SYN2: variants seen among roughly 807,000 people sequenced by gnomAD.
SYN2 encodes synapsin II, also known as synapsin-2.
Under a neutral mutation model 50.9 loss-of-function variants are expected in SYN2, and 19 were observed. The observed-to-expected ratio is 0.37, with a 90% CI of 0.26 to 0.55. The LOEUF (loss-of-function observed/expected upper bound fraction) is 0.55, where lower values mean the gene tolerates loss of function less well. Ranked by LOEUF, SYN2 falls within the 20% of genes least tolerant of loss-of-function variation. The pLI, the probability that SYN2 is intolerant of heterozygous loss-of-function variation, is 0.81. For missense variants in SYN2, 587 were observed against 576.4 expected (o/e 1.02, Z -0.19); for synonymous variants, 255 against 224.9 (o/e 1.13, Z -1.20).
At chr3:12,184,091 G>T (rs1290510506) in intron 11 of SYN2, 1 of 985,902 alleles carries the variant, frequency 1.0e-6, no homozygotes, top group Admixed American at 6.1e-5. Flanking sequence ...GGCTGTGCCT[G>T]TAGAGCTCTT....
At chr3:12,042,190 T>A in intron 1 of SYN2, among the ~76,000 whole-genome samples, 1 of 152,366 alleles carries the variant, frequency 6.6e-6, no homozygotes. Flanking sequence ...AATTAAACAT[T>A]GCAAGTTTTG....
intron 1 of SYN2, among the ~76,000 whole-genome samples, chr3:12,011,504 A>C (rs896952256): frequency 6.6e-6 from 1 of 152,216 alleles, no homozygotes; most frequent in Non-Finnish European, 1.5e-5. Context: ...TAAGAATAGG[A>C]GGATGTATAT....
rs1275665367 is a variant in SYN2 at position 12,191,909 on chromosome 3, G to A, written c.*1284G>A. Among the ~76,000 whole-genome samples the A allele has an allele frequency of 1.3e-5, 2 of 152,106 alleles. No homozygotes were observed. Among genetic ancestry groups the A allele is most frequent in the Non-Finnish European group, 2.9e-5 (2 of 68,024 alleles). On this transcript the variant is annotated 3_prime_UTR_variant, in exon 13 of 13. Transcript: ENST00000621198. ...GCCTGCAATTGAGGGTGGGCTCTGA[G>A]GGATTTCACTCTGGCTGCTTCATGA...
chr3:12,066,847 G>T (rs946704637), intron 1 of SYN2, among the ~76,000 whole-genome samples: 13 of 152,086 alleles, frequency 8.5e-5, no homozygotes, highest in Admixed American at 7.9e-4. Flanking sequence ...TGGCTGGGGG[G>T]GGCCTCAGGA....
At chr3:12,070,799 A>C (rs561735768) in intron 1 of SYN2, 1 of 623,830 alleles carries the variant, frequency 1.6e-6, no homozygotes, top group Non-Finnish European at 3.1e-6. Context: ...CTGACTGACT[A>C]CCTCATGAAG....
chr3:12,185,204 C>T, intron 11 of SYN2: 1 of 985,800 alleles, frequency 1.0e-6, no homozygotes, highest in Non-Finnish European at 1.2e-6. Flanking sequence ...TAAATACCTC[C>T]CAATCTGATG....
chr3:12,187,665 G>A (rs764103776), intron 12 of SYN2, 53 bp downstream of exon 12: 60 of 1,483,798 alleles, frequency 4.0e-5, no homozygotes, highest in Non-Finnish European at 5.4e-5. Context: ...CTTCCTGTGG[G>A]CCTTGGGCTC....
chr3:12,161,622 G>A lies in SYN2; in HGVS notation c.837+14G>A. 6.2e-7 allele frequency: 1 copy of A among 1,613,976 alleles called. No individual in the cohort carries two copies. The highest frequency in any genetic ancestry group is 8.5e-7 in the Non-Finnish European group (1 of 1,179,874). On this transcript the variant is annotated intron_variant, in intron 6 of 12. Transcript: ENST00000621198. ...GGCATGGGCAAGGTGAGGCAGAGAG[G>A]CCTGCTGTGCTTCAGGGTTGAACCA...
chr3:12,183,164 G>T (rs1698260534), intron 10 of SYN2, 148 bp from the exon 11 acceptor site: 1 of 1,148,092 alleles, frequency 8.7e-7, no homozygotes, highest in Non-Finnish European at 1.2e-6. Context: ...AGTGTTTCTG[G>T]AGCAGCAGAA....
intron 1 of SYN2, among the ~76,000 whole-genome samples, chr3:12,072,159 A>G (rs1695370214): frequency 6.6e-6 from 1 of 152,140 alleles, no homozygotes; most frequent in South Asian, 2.1e-4. Context: ...ATCTATTTAA[A>G]TCTTTTGACT....
At chr3:12,102,475 G>A (rs1340602279) in intron 1 of SYN2, among the ~76,000 whole-genome samples, 4 of 152,028 alleles carry the variant, frequency 2.6e-5, no homozygotes, top group Non-Finnish European at 5.9e-5. Context: ...ATTATGATCC[G>A]ATTTTGTGCA....
chr3:12,048,470 T>G (rs1020935767), intron 1 of SYN2, among the ~76,000 whole-genome samples: 1 of 152,214 alleles, frequency 6.6e-6, no homozygotes, highest in Non-Finnish European at 1.5e-5. Context: ...TGACCCACTG[T>G]GCCAGGCTGA....
chr3:12,187,058 A>T (rs73125105), intron 11 of SYN2, among the ~76,000 whole-genome samples: 1,611 of 152,122 alleles, frequency 0.011, 30 homozygotes, highest in African/African-American at 0.037. Flanking sequence ...AGAGGAGGGG[A>T]GAGGACCCTG....
intron 1 of SYN2, among the ~76,000 whole-genome samples, chr3:12,075,823 C>T (rs550984205): frequency 7.2e-5 from 11 of 152,176 alleles, no homozygotes; most frequent in Non-Finnish European, 1.6e-4. Context: ...CTATTTGCAA[C>T]ACTAGGCCAC....
chr3:12,172,976 A>AATGC (rs1697971914), intron 10 of SYN2, among the ~76,000 whole-genome samples: 2 of 152,226 alleles, frequency 1.3e-5, no homozygotes, highest in Non-Finnish European at 2.9e-5. Context: ...CTAACATGGA[A>AATGC]ATGCAGAGTG....
intron 1 of SYN2, among the ~76,000 whole-genome samples, chr3:12,010,784 T>C (rs966933098): frequency 6.6e-6 from 1 of 152,242 alleles, no homozygotes; most frequent in African/African-American, 2.4e-5. Context: ...CATACGTCAA[T>C]AAATGACTAA....
intron 1 of SYN2, among the ~76,000 whole-genome samples, chr3:12,026,881 G>T (rs2125138972): frequency 6.6e-6 from 1 of 152,322 alleles, no homozygotes; most frequent in Admixed American, 6.5e-5. Flanking sequence ...AGCAGTGTTT[G>T]GATGTTAACT....
At chr3:12,115,804 G>A (rs1241816116) in intron 1 of SYN2, among the ~76,000 whole-genome samples, 9 of 152,104 alleles carry the variant, frequency 5.9e-5, no homozygotes, top group African/African-American at 2.2e-4. Flanking sequence ...ACACTATGTA[G>A]CATATAGTAG....
At chr3:12,137,688 T>C (rs1696924344) in intron 1 of SYN2, among the ~76,000 whole-genome samples, 1 of 152,192 alleles carries the variant, frequency 6.6e-6, no homozygotes, top group South Asian at 2.1e-4. Context: ...AAGATATATT[T>C]TTAAGTGCAA....
Sources: gnomAD v4.1 joint callset for allele counts (sites outside exome capture counted in the v4.1 genomes callset) on GRCh38, gnomAD v4.1.1 for gene constraint, MANE v1.5 for transcripts, NCBI Gene and HGNC (gene_info 2026-07-23, HGNC 2026-07-21) for gene names.